MROH9: variants seen among roughly 807,000 people sequenced by gnomAD.
MROH9 encodes maestro heat-like repeat-containing protein family member 9.
MROH9 carries 92 observed loss-of-function variants against 98.2 expected under a neutral mutation model. The observed-to-expected ratio is 0.94, with a 90% confidence interval of 0.79 to 1.11. The LOEUF (loss-of-function observed/expected upper bound fraction) is 1.11, where lower values mean the gene tolerates loss of function less well. Ranked by LOEUF, MROH9 falls within the 50% of genes most tolerant of loss-of-function variation. The pLI is 0.00. For missense variants in MROH9, 1,057 were observed against 1,014.8 expected (o/e 1.04, Z -0.57); for synonymous variants, 397 against 368.9 (o/e 1.08, Z -0.87).
At chr1:170,969,771 C>T (rs149295080) in intron 7 of MROH9, among the ~76,000 whole-genome samples, 17 of 152,216 alleles carry the variant, frequency 1.1e-4, no homozygotes, top group South Asian at 2.1e-4. Flanking sequence ...GAGTGAATAC[C>T]GAGAAGCTAC....
rs1387400062 is a variant in MROH9 at position 170,995,358 on chromosome 1, CATTTCTACCTCCT to C, written c.1195-25_1195-13del. 2 of 1,611,536 alleles carry C rather than the reference CATTTCTACCTCCT, an allele frequency of 1.2e-6. No homozygotes were observed. The highest frequency in any genetic ancestry group is 2.7e-5 in the African/African-American group (2 of 74,782). The stretch of plus-strand genomic sequence containing the variant: ...GACCGGGTTTAGAGAAAAATGTTTA[CATTTCTACCTCCT>C]ATTTCCTTCCCTTATAGGCATGCCA... On this transcript the variant is annotated intron_variant, in intron 12 of 21. Coordinates refer to ENST00000367759, the MANE Select transcript of MROH9 (RefSeq NM_001163629.2).
At chr1:170,994,409 T>TA (rs1276678959) in intron 12 of MROH9, among the ~76,000 whole-genome samples, 1 of 152,208 alleles carries the variant, frequency 6.6e-6, no homozygotes, top group African/African-American at 2.4e-5. Flanking sequence ...TAAAAAGACC[T>TA]ATGAAGTTTT....
chr1:170,997,082 A>G (rs1651610976), intron 14 of MROH9, among the ~76,000 whole-genome samples: 1 of 152,126 alleles, frequency 6.6e-6, no homozygotes, highest in Admixed American at 6.6e-5. Context: ...TTTTTCTTGT[A>G]CTGGAAAGGG....
chr1:170,988,180 C>T (rs1196262400), intron 10 of MROH9, among the ~76,000 whole-genome samples: 1 of 152,200 alleles, frequency 6.6e-6, no homozygotes, highest in Non-Finnish European at 1.5e-5. Flanking sequence ...TGTGCAAACA[C>T]ATAGGTCACA....
chr1:171,001,775 T>C (rs1651791346), intron 15 of MROH9, among the ~76,000 whole-genome samples: 1 of 152,188 alleles, frequency 6.6e-6, no homozygotes, highest in South Asian at 2.1e-4. Flanking sequence ...AATGTATAGT[T>C]TAAATCCATT....
intron 15 of MROH9, among the ~76,000 whole-genome samples, chr1:171,013,745 T>A (rs11488714): frequency 0.074 from 11,309 of 152,074 alleles, 1,314 homozygotes; most frequent in African/African-American, 0.25. Context: ...TGGCCTGTAG[T>A]GGGTATCACC....
intron 11 of MROH9, 23 bp downstream of exon 11, chr1:170,990,026 C>G (rs1278431327): frequency 8.2e-6 from 13 of 1,593,874 alleles, no homozygotes; most frequent in Non-Finnish European, 1.0e-5. Flanking sequence ...AACCCTCTGT[C>G]CCTTCCACAA....
intron 16 of MROH9, among the ~76,000 whole-genome samples, chr1:171,015,854 G>A (rs76871438): frequency 0.035 from 5,256 of 152,058 alleles, 304 homozygotes; most frequent in African/African-American, 0.12. Context: ...TAATATTCCC[G>A]CCAATCAGAC....
intron 15 of MROH9, among the ~76,000 whole-genome samples, chr1:171,013,630 T>C (rs554980159): frequency 1.3e-5 from 2 of 152,278 alleles, no homozygotes; most frequent in East Asian, 3.9e-4. Context: ...ATTAGAATAG[T>C]ACATAGTATA....
intron 8 of MROH9, among the ~76,000 whole-genome samples, chr1:170,982,050 C>A (rs183332128): frequency 1.1e-3 from 170 of 152,192 alleles, no homozygotes; most frequent in Middle Eastern, 3.4e-3. Flanking sequence ...AAAAGTTAAA[C>A]ATATAGCTAT....
chr1:171,062,270 T>G (rs1476982312), intron 21 of MROH9, 76 bp downstream of exon 21: 1 of 1,066,974 alleles, frequency 9.4e-7, no homozygotes, highest in Non-Finnish European at 1.4e-6. Context: ...TAGTCACATA[T>G]GAGTTCTGTT....
rs187363149 is a variant in MROH9 at position 170,957,875 on chromosome 1, C to T, written c.73-586C>T. Among the ~76,000 whole-genome samples the T allele has an allele frequency of 4.0e-5, 6 of 150,450 alleles. No homozygotes were observed. In the East Asian group the frequency reaches 1.2e-3, roughly 29 times the overall value. ...CCAGGCTGGAGTGCAGTGGGGCCAT[C>T]TCGGCTCACTGCAAGCTCTGCCTCC... On this transcript the variant is annotated intron_variant, in intron 3 of 21. Coordinates refer to ENST00000367759, the MANE Select transcript of MROH9 (RefSeq NM_001163629.2).
intron 5 of MROH9, among the ~76,000 whole-genome samples, chr1:170,961,048 A>ATT (rs147765333): frequency 6.6e-6 from 1 of 151,952 alleles, no homozygotes; most frequent in Non-Finnish European, 1.5e-5. Flanking sequence ...ATAAAAGTCT[A>ATT]TTTTTTTTAC....
chr1:170,974,605 G>C (rs1650611157), intron 8 of MROH9, among the ~76,000 whole-genome samples: 3 of 151,926 alleles, frequency 2.0e-5, no homozygotes, highest in Admixed American at 2.0e-4. Flanking sequence ...AGACATTTTA[G>C]ATATACAAGA....
intron 20 of MROH9, among the ~76,000 whole-genome samples, chr1:171,047,492 C>G (rs1307896473): frequency 2.0e-5 from 3 of 152,144 alleles, no homozygotes; most frequent in Non-Finnish European, 1.5e-5. Flanking sequence ...TCCAGAATTT[C>G]TGCTTGATTC....
intron 1 of MROH9, among the ~76,000 whole-genome samples, chr1:170,944,901 T>C (rs1015474748): frequency 6.6e-6 from 1 of 152,014 alleles, no homozygotes; most frequent in Non-Finnish European, 1.5e-5. Flanking sequence ...TGATGGGAAA[T>C]CATTCTCATG....
chr1:170,982,702 C>T (rs1179272071), intron 8 of MROH9, among the ~76,000 whole-genome samples: 1 of 152,034 alleles, frequency 6.6e-6, no homozygotes, highest in Non-Finnish European at 1.5e-5. Context: ...CCAGCCTGGG[C>T]AACATAGTGC....
Position 171,014,140 on chromosome 1 carries a change from C to T in MROH9, c.1620C>T (p.Asp540=). ...LTELLNNFFK[D]PLPEEFLVLF... ...AGCTTCTGAATAACTTCTTCAAGGA[C>T]CCTTTACCAGAAGAATTTTTGGTCC... The change falls in exon 16 of 22, where the codon GAC becomes GAT. Residue 540 remains aspartate, a synonymous_variant. Transcript: ENST00000367759. 2 of 1,550,808 alleles carry T rather than the reference C, an allele frequency of 1.3e-6. No homozygotes were observed. The highest frequency in any genetic ancestry group is 8.7e-7 in the Non-Finnish European group (1 of 1,146,580).
chr1:170,983,650 C>A, intron 9 of MROH9, 116 bp downstream of exon 9: 1 of 640,492 alleles, frequency 1.6e-6, no homozygotes, highest in Admixed American at 2.9e-5. Flanking sequence ...TTTTTAAACT[C>A]AGTGTGATAA....
Sources: gnomAD v4.1 joint callset for allele counts (sites outside exome capture counted in the v4.1 genomes callset) on GRCh38, gnomAD v4.1.1 for gene constraint, MANE v1.5 for transcripts, NCBI Gene and HGNC (gene_info 2026-07-23, HGNC 2026-07-21) for gene names.